Variants in PRKCA observed in about 807,000 individuals in gnomAD.
The protein encoded by PRKCA is protein kinase C alpha, also known as protein kinase C alpha type.
Under a neutral mutation model 87.0 loss-of-function variants are expected in PRKCA, and 27 were observed. That is an observed-to-expected ratio of 0.31 (90% CI 0.23 to 0.43). PRKCA has a LOEUF of 0.43. Among genes scored for constraint, PRKCA ranks in the 20% least tolerant of loss-of-function variants. The probability of loss-of-function intolerance (pLI) is 1.00; values close to 1 mark genes in which losing one functional copy is unlikely to be tolerated. For missense variants in PRKCA, 518 were observed against 852.3 expected (o/e 0.61, Z 4.88); for synonymous variants, 329 against 311.1 (o/e 1.06, Z -0.61).
At chr17:66,460,841 G>C (rs1448802065) in intron 2 of PRKCA, among the ~76,000 whole-genome samples, 1 of 152,244 alleles carries the variant, frequency 6.6e-6, no homozygotes, top group East Asian at 1.9e-4. Context: ...CGCAGACACA[G>C]GTTTATAAAA....
intron 2 of PRKCA, chr17:66,364,381 T>TA (rs1908577663): frequency 6.6e-6 from 1 of 152,016 alleles, no homozygotes; most frequent in Non-Finnish European, 1.5e-5. Flanking sequence ...TCACTTACCA[T>TA]AAAAAATATA....
At chr17:66,731,950 C>A (rs1317082549) in intron 8 of PRKCA, among the ~76,000 whole-genome samples, 1 of 151,352 alleles carries the variant, frequency 6.6e-6, no homozygotes, top group African/African-American at 2.4e-5. Flanking sequence ...CCACCATGCC[C>A]AGCTGATTTT....
chr17:66,715,053 C>A (rs1040904396), intron 8 of PRKCA, among the ~76,000 whole-genome samples: 1 of 152,018 alleles, frequency 6.6e-6, no homozygotes, highest in Admixed American at 6.5e-5. Flanking sequence ...CTGTCAGAGA[C>A]ATTTTATAAA....
At chr17:66,759,823 G>T (rs1440625732) in intron 13 of PRKCA, among the ~76,000 whole-genome samples, 2 of 152,338 alleles carry the variant, frequency 1.3e-5, no homozygotes, top group South Asian at 2.1e-4. Flanking sequence ...AGCAAGGAGA[G>T]TTATCATGGA....
chr17:66,522,809 TAAA>T (rs1229424235), intron 3 of PRKCA, among the ~76,000 whole-genome samples: 2 of 126,346 alleles, frequency 1.6e-5, no homozygotes, highest in African/African-American at 3.0e-5. Context: ...GGTCGCTCAC[TAAA>T]AAAAAAAAAA....
intron 2 of PRKCA, among the ~76,000 whole-genome samples, chr17:66,342,468 TAA>T (rs1907104952): frequency 3.5e-5 from 5 of 144,036 alleles, no homozygotes; most frequent in African/African-American, 1.3e-4. Context: ...ATAATAATAA[TAA>T]TAATAATAAT....
intron 8 of PRKCA, among the ~76,000 whole-genome samples, chr17:66,707,529 A>T (rs1973221461): frequency 6.6e-6 from 1 of 152,032 alleles, no homozygotes; most frequent in African/African-American, 2.4e-5. Context: ...GTTGTGTAAA[A>T]CTCACGTGTG....
chr17:66,437,556 A>G (rs1913460843), intron 2 of PRKCA, among the ~76,000 whole-genome samples: 1 of 152,028 alleles, frequency 6.6e-6, no homozygotes, highest in African/African-American at 2.4e-5. Flanking sequence ...TCTCACTGAC[A>G]GATAGGGTGT....
intron 2 of PRKCA, among the ~76,000 whole-genome samples, chr17:66,424,311 C>T (rs1221674081): frequency 6.6e-6 from 1 of 152,110 alleles, no homozygotes; most frequent in African/African-American, 2.4e-5. Context: ...CGGTGGCTCA[C>T]GCCTGTAATC....
intron 3 of PRKCA, among the ~76,000 whole-genome samples, chr17:66,614,693 T>A (rs1000043758): frequency 6.6e-6 from 1 of 152,210 alleles, no homozygotes; most frequent in Non-Finnish European, 1.5e-5. Context: ...AAATACCGTG[T>A]CAAACAGGAA....
chr17:66,700,250 A>T (rs56910856), intron 8 of PRKCA, among the ~76,000 whole-genome samples: 10,334 of 152,308 alleles, frequency 0.068, 379 homozygotes, highest in South Asian at 0.14. Flanking sequence ...GACAAAATTT[A>T]ATGCCCTTTC....
At chr17:66,339,458 G>T (rs529759767) in intron 2 of PRKCA, among the ~76,000 whole-genome samples, 1 of 152,172 alleles carries the variant, frequency 6.6e-6, no homozygotes, top group Admixed American at 6.5e-5. Context: ...TAACCACTCT[G>T]AAGCTAACTT....
intron 8 of PRKCA, among the ~76,000 whole-genome samples, chr17:66,719,624 A>G (rs1244078368): frequency 6.6e-6 from 1 of 152,160 alleles, no homozygotes; most frequent in Non-Finnish European, 1.5e-5. Context: ...AAAATTAGCC[A>G]GGCATGGTGA....
At chr17:66,654,168 A>G (rs9892140) in intron 5 of PRKCA, among the ~76,000 whole-genome samples, 92,856 of 151,528 alleles carry the variant, frequency 0.61, 28,388 homozygotes, top group African/African-American at 0.65. Flanking sequence ...CTTATTATCC[A>G]ATGATCTCTA....
intron 3 of PRKCA, among the ~76,000 whole-genome samples, chr17:66,624,375 G>A (rs1970782565): frequency 6.6e-6 from 1 of 152,134 alleles, no homozygotes; most frequent in Non-Finnish European, 1.5e-5. Flanking sequence ...TTCTACTATT[G>A]TAGTACTTTG....
intron 2 of PRKCA, among the ~76,000 whole-genome samples, chr17:66,459,225 A>C (rs1223578529): frequency 6.8e-6 from 1 of 148,022 alleles, no homozygotes; most frequent in Admixed American, 6.8e-5. Context: ...AAAAAAAAAT[A>C]CAAAAATTAG....
At chr17:66,589,838 T>G (rs990690034) in intron 3 of PRKCA, among the ~76,000 whole-genome samples, 2 of 152,336 alleles carry the variant, frequency 1.3e-5, no homozygotes, top group African/African-American at 4.8e-5. Flanking sequence ...AATTTTTCCA[T>G]GGACCCGGTT....
chr17:66,516,412 C>T (rs1004533232), intron 3 of PRKCA, among the ~76,000 whole-genome samples: 1 of 152,088 alleles, frequency 6.6e-6, no homozygotes, highest in African/African-American at 2.4e-5. Flanking sequence ...GCGGGTGAAT[C>T]ACTTGAGGTC....
intron 2 of PRKCA, among the ~76,000 whole-genome samples, chr17:66,370,031 A>G (rs772961521): frequency 2.0e-4 from 30 of 152,182 alleles, no homozygotes; most frequent in Non-Finnish European, 3.1e-4. Context: ...GAGGAGAGCC[A>G]TTAATAATTA....
Sources: allele counts gnomAD v4.1 joint callset (sites outside exome capture counted in the v4.1 genomes callset), GRCh38; gene constraint gnomAD v4.1.1; transcripts MANE v1.5; gene names NCBI Gene and HGNC (gene_info 2026-07-23, HGNC 2026-07-21).